The following ZNF385D variants were observed in gnomAD, a reference collection of about 807,000 sequenced individuals.
The protein encoded by ZNF385D is zinc finger protein 385D, also known as zinc finger protein 659.
A neutral mutation model predicts 35.8 loss-of-function variants in ZNF385D; 15 were observed. That is an observed-to-expected ratio of 0.42 (90% CI 0.28 to 0.64). ZNF385D has a LOEUF of 0.64. ZNF385D is among the 30% of genes least tolerant of loss of function. ZNF385D has a pLI of 0.23. For missense variants in ZNF385D, 474 were observed against 494.6 expected (o/e 0.96, Z 0.39); for synonymous variants, 212 against 186.8 (o/e 1.13, Z -1.10).
chr3:21,598,666 C>G (rs1056866294), intron 2 of ZNF385D, among the ~76,000 whole-genome samples: 2 of 152,124 alleles, frequency 1.3e-5, no homozygotes, highest in African/African-American at 4.8e-5. Context: ...AAATTTATGT[C>G]TGAAGTTATT....
intron 3 of ZNF385D, among the ~76,000 whole-genome samples, chr3:22,025,726 G>T (rs1697499070): frequency 6.6e-6 from 1 of 152,178 alleles, no homozygotes; most frequent in African/African-American, 2.4e-5. Flanking sequence ...CAAAGGCTTA[G>T]GGAGATTGGG....
chr3:21,485,419 AGCT>A (rs1173346994), intron 4 of ZNF385D, among the ~76,000 whole-genome samples: 2 of 152,196 alleles, frequency 1.3e-5, no homozygotes, highest in African/African-American at 4.8e-5. Context: ...CTAAACTGCC[AGCT>A]GGTGGTGGCA....
rs148110817 is a variant in ZNF385D at position 22,215,955 on chromosome 3, G to C, written c.107-46920C>G. ...AAAAGAACGTATGTGAAATATCGGG[G>C]GTGAATTTCGTCCAACATCTGGCTG... On this transcript the variant is annotated intron_variant, in intron 2 of 5. Transcript: ENST00000494108. 1.3e-3 allele frequency among the ~76,000 whole-genome samples: 202 copies of C among 151,994 alleles called. 1 individual carries two copies. The highest frequency in any genetic ancestry group is 4.6e-3 in the African/African-American group (192 of 41,486).
chr3:21,490,327 G>A (rs1705336056), intron 4 of ZNF385D, among the ~76,000 whole-genome samples: 1 of 151,954 alleles, frequency 6.6e-6, no homozygotes, highest in Non-Finnish European at 1.5e-5. Flanking sequence ...CACCACGTCT[G>A]GCTCTTCTTT....
At chr3:22,108,864 T>C (rs1702363447) in intron 3 of ZNF385D, among the ~76,000 whole-genome samples, 1 of 151,924 alleles carries the variant, frequency 6.6e-6, no homozygotes, top group Non-Finnish European at 1.5e-5. Flanking sequence ...AATACAAAAT[T>C]AGCTGTGTGC....
At chr3:22,248,043 A>G (rs1440523842) in intron 2 of ZNF385D, among the ~76,000 whole-genome samples, 2 of 152,212 alleles carry the variant, frequency 1.3e-5, no homozygotes, top group East Asian at 1.9e-4. Context: ...CAACAAAACA[A>G]TGACAACACT....
chr3:21,796,759 C>CACTCA, intron 3 of ZNF385D, among the ~76,000 whole-genome samples: 1 of 152,280 alleles, frequency 6.6e-6, no homozygotes, highest in Admixed American at 6.5e-5. Context: ...GTGACTTACT[C>CACTCA]AAGGTGACAC....
chr3:21,768,220 T>TC (rs761290286), intron 3 of ZNF385D, among the ~76,000 whole-genome samples: 5 of 152,218 alleles, frequency 3.3e-5, no homozygotes, highest in African/African-American at 4.8e-5. Flanking sequence ...AAAGATAGAG[T>TC]TATTACCTAT....
chr3:22,305,576 C>T (rs1314551148), intron 2 of ZNF385D, among the ~76,000 whole-genome samples: 1 of 152,040 alleles, frequency 6.6e-6, no homozygotes, highest in African/African-American at 2.4e-5. Context: ...TCATCATTTG[C>T]CATAGCACAG....
At chr3:21,922,418 A>G (rs1243032664) in intron 3 of ZNF385D, among the ~76,000 whole-genome samples, 2 of 152,242 alleles carry the variant, frequency 1.3e-5, no homozygotes, top group Non-Finnish European at 2.9e-5. Context: ...CCAAAATTTC[A>G]TGGTACTGGT....
intron 1 of ZNF385D, among the ~76,000 whole-genome samples, chr3:21,665,878 A>G (rs1298935139): frequency 1.3e-5 from 2 of 152,142 alleles, no homozygotes; most frequent in Non-Finnish European, 2.9e-5. Flanking sequence ...CAAAACATCA[A>G]TTTGCTGTTA....
At chr3:21,501,145 C>CTA (rs1706329343) in intron 4 of ZNF385D, among the ~76,000 whole-genome samples, 1 of 152,156 alleles carries the variant, frequency 6.6e-6, no homozygotes, top group Admixed American at 6.5e-5. Context: ...CCTCCAGCCT[C>CTA]TATATATACC....
chr3:22,302,336 A>G (rs1417171827), intron 2 of ZNF385D, among the ~76,000 whole-genome samples: 1 of 151,722 alleles, frequency 6.6e-6, no homozygotes, highest in Non-Finnish European at 1.5e-5. Flanking sequence ...TTAGTTTCTC[A>G]TTGTGATTTT....
chr3:22,139,060 A>G (rs1281720162), intron 3 of ZNF385D, among the ~76,000 whole-genome samples: 2 of 151,566 alleles, frequency 1.3e-5, no homozygotes, highest in African/African-American at 2.4e-5. Flanking sequence ...AACAGACACA[A>G]TGAGATACCA....
chr3:21,760,192 G>A (rs1290329129), intron 3 of ZNF385D, among the ~76,000 whole-genome samples: 1 of 152,142 alleles, frequency 6.6e-6, no homozygotes, highest in Non-Finnish European at 1.5e-5. Flanking sequence ...ATGACCGGAT[G>A]CCATTTTCAC....
At chr3:21,649,864 T>C in intron 2 of ZNF385D, among the ~76,000 whole-genome samples, 1 of 152,304 alleles carries the variant, frequency 6.6e-6, no homozygotes, top group South Asian at 2.1e-4. Flanking sequence ...TTTCTTTTGC[T>C]TGTCTCTTTA....
intron 4 of ZNF385D, among the ~76,000 whole-genome samples, chr3:21,468,744 T>C (rs1272446928): frequency 4.6e-5 from 7 of 151,942 alleles, no homozygotes; most frequent in African/African-American, 1.7e-4. Context: ...GCCAACATGG[T>C]GAAACTCCGT....
chr3:21,867,338 A>C (rs1395603512), intron 3 of ZNF385D, among the ~76,000 whole-genome samples: 1 of 152,106 alleles, frequency 6.6e-6, no homozygotes, highest in Non-Finnish European at 1.5e-5. Context: ...ATACATTCAG[A>C]CCTTAGCACC....
At chr3:22,039,451 C>T (rs533377550) in intron 3 of ZNF385D, among the ~76,000 whole-genome samples, 4 of 152,062 alleles carry the variant, frequency 2.6e-5, no homozygotes, top group Non-Finnish European at 5.9e-5. Flanking sequence ...CCCTTATCTT[C>T]CTGTCTCCAG....
Sources: gnomAD v4.1 joint callset for allele counts (sites outside exome capture counted in the v4.1 genomes callset) on GRCh38, gnomAD v4.1.1 for gene constraint, MANE v1.5 for transcripts, NCBI Gene and HGNC (gene_info 2026-07-23, HGNC 2026-07-21) for gene names.